The following SYT7 variants were observed in gnomAD, a reference collection of about 807,000 sequenced individuals.
SYT7 encodes synaptotagmin-7.
SYT7 carries 29 observed loss-of-function variants against 75.1 expected under a neutral mutation model. That is an observed-to-expected ratio of 0.39 (90% CI 0.29 to 0.53). SYT7 has a LOEUF of 0.53. Among genes scored for constraint, SYT7 ranks in the 20% least tolerant of loss-of-function variants. SYT7 has a pLI of 0.77. For synonymous variants in SYT7, 376 were observed against 401.7 expected (o/e 0.94, Z 0.76); for missense variants, 693 against 953.2 (o/e 0.73, Z 3.59).
intron 1 of SYT7, among the ~76,000 whole-genome samples, chr11:61,577,090 G>A (rs953224961): frequency 6.6e-6 from 1 of 152,164 alleles, no homozygotes; most frequent in South Asian, 2.1e-4. Context: ...GCCCTCAAGC[G>A]GGCAGCTTGT....
chr11:61,571,473 T>C (rs976539579), intron 1 of SYT7, among the ~76,000 whole-genome samples: 1 of 152,252 alleles, frequency 6.6e-6, no homozygotes, highest in African/African-American at 2.4e-5. Flanking sequence ...GTGGGGGCCA[T>C]GTGCCATGCT....
chr11:61,523,759 T>A lies in SYT7; in HGVS notation c.1756+68A>T. The A allele has an allele frequency of 1.4e-6, 2 of 1,472,186 alleles. No homozygotes were observed. Among genetic ancestry groups the A allele is most frequent in the South Asian group, 1.2e-5 (1 of 84,502 alleles). The allele number at this position is 1,472,186 out of a possible 1,614,324, so 91.2% of individuals were successfully genotyped here. Reference sequence around the variant, plus strand: ...ACCACTGCAGACCCTGCTCTCCACATCCGGTGTAAACCTTGTGTCACCAGC... The same window carrying A: ...ACCACTGCAGACCCTGCTCTCCACAACCGGTGTAAACCTTGTGTCACCAGC... On this transcript the variant is annotated intron_variant, in intron 11 of 12. Transcript: ENST00000539008. This position sits in a 1 kb window ranked among gnomAD's most constrained non-coding sequence, Gnocchi z 5.0.
chr11:61,584,410 A>G (rs78201011), upstream of SYT7, among the ~76,000 whole-genome samples: 3,654 of 142,556 alleles, frequency 0.026, 81 homozygotes, highest in Non-Finnish European at 0.035. Context: ...AAAAAAAAGG[A>G]AAAAAAAAGA....
At position 61,532,357 on chromosome 11, in the gene SYT7, A is replaced by G. The variant is rs112281463; in HGVS notation, c.1200+632T>C. On this transcript the variant is annotated intron_variant, in intron 8 of 12. Transcript: ENST00000539008. Reference sequence around the variant, plus strand: ...GCTGCCCCCCTGGGGGCACCATGGGAACCACAACCTCTGTCTGGGCCAAAC... The same window carrying G: ...GCTGCCCCCCTGGGGGCACCATGGGGACCACAACCTCTGTCTGGGCCAAAC... Among the ~76,000 whole-genome samples the G allele has an allele frequency of 1.0e-3, 159 of 152,136 alleles. 1 individual carries two copies. Among genetic ancestry groups the G allele is most frequent in the African/African-American group, 3.6e-3 (149 of 41,432 alleles).
rs149788509 is a variant in SYT7, at chr11:61,533,070, G to A, written c.1119C>T (p.Pro373=). Residue 373 remains proline, a synonymous_variant, in exon 8 of 13, where the codon CCC becomes CCT. Coordinates refer to ENST00000539008, the MANE Select transcript of SYT7 (RefSeq NM_001365809.2). ...CGGTCCGGCGGTCGGACTCATCGTG[G>A]GGTGTCTGGCCTGGCACGGGGGCTG... ...VNTAPVPGQT[P]HDESDRRTEP... The A allele has an allele frequency of 2.0e-4, 317 of 1,612,742 alleles. No homozygotes were observed. Among genetic ancestry groups the A allele is most frequent in the Middle Eastern group, 3.3e-4 (2 of 6,016 alleles).
chr11:61,523,175 G>C lies in SYT7; in HGVS notation c.1856C>G (p.Ser619Cys). Residue 619 changes from serine (S) to cysteine (C), a missense_variant, in exon 12 of 13, where the codon TCC becomes TGC. Transcript: ENST00000539008. The surrounding 1 kb of genome is among the most constrained non-coding windows in gnomAD (Gnocchi z 5.0). ...CTCCGTGGGGATATCGAAGGCGAAG[G>C]ACTCATTGAAGATGGGGTTCAGGTT... ...KRNLNPIFNE[S>C]FAFDIPTEKL... 1 of 1,614,188 alleles carries C rather than the reference G, an allele frequency of 6.2e-7. No individual in the cohort carries two copies. The highest frequency in any genetic ancestry group is 8.5e-7 in the Non-Finnish European group (1 of 1,180,038).
rs563994356 is a variant in SYT7, at chr11:61,514,809, C to T, written c.*3818G>A. Among the ~76,000 whole-genome samples, 4 of 152,290 alleles carry T rather than the reference C, an allele frequency of 2.6e-5. No individual in the cohort carries two copies. Among genetic ancestry groups the T allele is most frequent in the African/African-American group, 4.8e-5 (2 of 41,550 alleles). ...AAACTAGAAGAGGGCTGAGAGAAGC[C>T]GCAGGTCCAGCCAACAGACACAGAG... On this transcript the variant is annotated 3_prime_UTR_variant, in exon 13 of 13. Transcript: ENST00000539008.
intron 1 of SYT7, 85 bp from the exon 2 acceptor site, chr11:61,556,292 C>G: frequency 8.9e-7 from 1 of 1,120,482 alleles, no homozygotes; most frequent in South Asian, 1.4e-5. Flanking sequence ...AACCACCACC[C>G]TACCCTCCAT....
chr11:61,545,502 A>G (rs922056260), intron 5 of SYT7, among the ~76,000 whole-genome samples: 14 of 152,244 alleles, frequency 9.2e-5, no homozygotes, highest in Non-Finnish European at 5.9e-5. Context: ...GTATGGTTCA[A>G]GCAAGACTGG....
In SYT7 at chr11:61,574,076, C is replaced by T. The variant is rs142299143; in HGVS notation, c.31+6714G>A. ...TCCATGAAGCCCTCCCCAACTCCTC[C>T]ACCATGGAGGTAGCAGGCATGTTCT... On this transcript the variant is annotated intron_variant, in intron 1 of 12. Coordinates refer to ENST00000539008, the MANE Select transcript of SYT7 (RefSeq NM_001365809.2). Among the ~76,000 whole-genome samples the T allele has an allele frequency of 2.8e-3, 431 of 152,366 alleles. 3 individuals carry two copies. The highest frequency in any genetic ancestry group is 0.01 in the African/African-American group (416 of 41,578).
Position 61,546,378 on chromosome 11 carries a change from G to A in SYT7, c.348-123C>T. 1 of 620,478 alleles carries A rather than the reference G, an allele frequency of 1.6e-6. No homozygotes were observed. Among genetic ancestry groups the A allele is most frequent in the South Asian group, 2.0e-5 (1 of 49,118 alleles). 38.4% of individuals were successfully genotyped at this position (620,478 alleles called of 1,614,324 possible). ...GAAGAAAAACAATAACAGATAAAAG[G>A]AAGAAAGAGACAGTGAGAGAGGAGG... On this transcript the variant is annotated intron_variant, in intron 4 of 12. Coordinates refer to ENST00000539008, the MANE Select transcript of SYT7 (RefSeq NM_001365809.2). The surrounding 1 kb of genome is among the most constrained non-coding windows in gnomAD (Gnocchi z 7.6).
chr11:61,574,403 G>A (rs899765439), intron 1 of SYT7, among the ~76,000 whole-genome samples: 18 of 152,150 alleles, frequency 1.2e-4, no homozygotes, highest in African/African-American at 4.3e-4. Flanking sequence ...GCTCAAGCAA[G>A]CTGTCCCTGG....
At chr11:61,571,580 C>T (rs2063921756) in intron 1 of SYT7, among the ~76,000 whole-genome samples, 1 of 152,236 alleles carries the variant, frequency 6.6e-6, no homozygotes, top group South Asian at 2.1e-4. Flanking sequence ...CATCCCGCAC[C>T]TGCCGGCACC....
intron 1 of SYT7, among the ~76,000 whole-genome samples, chr11:61,567,717 G>T (rs1192532655): frequency 6.6e-6 from 1 of 152,224 alleles, no homozygotes; most frequent in Non-Finnish European, 1.5e-5. Flanking sequence ...TGGCTGGCGC[G>T]GGCACTGCAC....
In SYT7 at chr11:61,553,460, G is replaced by C. The variant is rs1410332801; in HGVS notation, c.136-1997C>G. On this transcript the variant is annotated intron_variant, in intron 2 of 12. Transcript: ENST00000539008. The surrounding 1 kb of genome is among the most constrained non-coding windows in gnomAD (Gnocchi z 5.2). The stretch of plus-strand genomic sequence containing the variant: ...GGCCGCTGCCCCTTCCCCGAGGCCA[G>C]GAAGGGCACGGTCAGCCCTTTCCGA... Among the ~76,000 whole-genome samples the C allele has an allele frequency of 6.6e-6, 1 of 152,222 alleles. No homozygotes were observed. The highest frequency in any genetic ancestry group is 1.5e-5 in the Non-Finnish European group (1 of 68,036).
intron 6 of SYT7, among the ~76,000 whole-genome samples, chr11:61,541,763 G>C (rs1259505740): frequency 1.3e-5 from 2 of 152,086 alleles, no homozygotes; most frequent in African/African-American, 2.4e-5. Context: ...AGCAGAGTCG[G>C]GTTACAGGGG....
chr11:61,536,103 G>A (rs533115164), intron 7 of SYT7, among the ~76,000 whole-genome samples: 238 of 152,168 alleles, frequency 1.6e-3, no homozygotes, highest in Non-Finnish European at 2.7e-3. Context: ...CAGTGGCCAT[G>A]AGAAATGTTT....
At position 61,542,682 on chromosome 11, in the gene SYT7, G is replaced by A. The variant is rs1408428067; in HGVS notation, c.573-103C>T. The A allele has an allele frequency of 4.3e-6, 6 of 1,399,426 alleles. No individual in the cohort carries two copies. Among genetic ancestry groups the A allele is most frequent in the African/African-American group, 3.0e-5 (2 of 66,166 alleles). 86.7% of individuals were successfully genotyped at this position (1,399,426 alleles called of 1,614,324 possible). A position where few individuals can be genotyped will look rare whatever the true frequency, so the allele number is the denominator to read the frequency against. ...CAGGACTAGGAGGCCCCAGTGCAGG[G>A]TGCGCGCTGCCGGACCTCGCCAGGC... is the stretch of plus-strand genomic sequence containing the variant. On this transcript the variant is annotated intron_variant, in intron 5 of 12. Coordinates refer to ENST00000539008, the MANE Select transcript of SYT7 (RefSeq NM_001365809.2). This position sits in a 1 kb window ranked among gnomAD's most constrained non-coding sequence, Gnocchi z 7.8.
chr11:61,584,318 C>T (rs1198516901), upstream of SYT7, among the ~76,000 whole-genome samples: 15 of 151,262 alleles, frequency 9.9e-5, no homozygotes, highest in Non-Finnish European at 2.1e-4. Context: ...TCGCTTGAAC[C>T]CGGGAGGTGG....
Sources: allele counts gnomAD v4.1 joint callset (sites outside exome capture counted in the v4.1 genomes callset), GRCh38; gene constraint gnomAD v4.1.1; non-coding constraint Gnocchi (gnomAD v3.1); transcripts MANE v1.5; gene names NCBI Gene and HGNC (gene_info 2026-07-23, HGNC 2026-07-21).